Variants in ACSS1 observed in about 807,000 individuals in gnomAD.
ACSS1 encodes acetyl-coenzyme A synthetase 2-like, mitochondrial.
ACSS1 carries 42 observed loss-of-function variants against 75.3 expected under a neutral mutation model. The ratio of observed to expected loss-of-function variants is 0.56; its 90% CI spans 0.44 to 0.72. The LOEUF (loss-of-function observed/expected upper bound fraction) is 0.72. ACSS1 is among the 30% of genes least tolerant of loss of function. ACSS1 has a pLI of 0.00. For synonymous variants in ACSS1, 380 were observed against 376.8 expected, an observed-to-expected ratio of 1.01 and a Z score of -0.10; for missense variants, 782 against 935.7, an observed-to-expected ratio of 0.84 and a Z score of 2.14.
chr20:25,040,890 A>C (rs1332761473), intron 2 of ACSS1, among the ~76,000 whole-genome samples: 1 of 152,182 alleles, frequency 6.6e-6, no homozygotes, highest in African/African-American at 2.4e-5. Context: ...ATAAAACAAT[A>C]ATTGTTAATA....
rs73346941 is a variant in ACSS1 at position 25,025,948 on chromosome 20, A to G, written c.632-2307T>C. On this transcript the variant is annotated intron_variant, in intron 3 of 13. Transcript: ENST00000323482. ...TGCAAAGTCTTTCACCATGCAAGTG[A>G]CATAGCACAGCTTCTGGGGGATTAC... 7.8e-3 allele frequency among the ~76,000 whole-genome samples: 1,184 copies of G among 152,264 alleles called. 9 individuals are homozygous for G. Among genetic ancestry groups the G allele is most frequent in the African/African-American group, 0.023 (961 of 41,544 alleles).
chr20:25,022,005 A>G (rs973599162), intron 5 of ACSS1, among the ~76,000 whole-genome samples: 1 of 152,192 alleles, frequency 6.6e-6, no homozygotes, highest in African/African-American at 2.4e-5. Context: ...GGATGTGACT[A>G]TGGCCAAGTG....
chr20:25,015,222 G>C lies in ACSS1; in HGVS notation c.1255C>G (p.Pro419Ala), dbSNP rs184241245. The C allele has an allele frequency of 6.2e-7, 1 of 1,608,720 alleles. No homozygotes were observed. Among genetic ancestry groups the C allele is most frequent in the African/African-American group, 1.3e-5 (1 of 74,896 alleles). The change falls in exon 8 of 14, where the codon CCC becomes GCC. Residue 419 changes from proline to alanine, a missense_variant. By Grantham distance (27) the Pro-to-Ala change is conservative. This residue lies in a region of ACSS1 where 405 missense variants were observed against 552.6 expected (regional missense o/e 0.73). Coordinates refer to ENST00000323482, the MANE Select transcript of ACSS1 (RefSeq NM_032501.4). Reference protein sequence around the residue: ...SLRTLGSVGEPINCEAWEWLH... With the variant: ...SLRTLGSVGEAINCEAWEWLH... ...CACTCCCAGGCCTCACAGTTGATGG[G>C]CTCTCCCACTGAAACCACACAGAAA...
In ACSS1 at chr20:25,006,961, A is replaced by T; in HGVS notation, c.*801T>A. 6.5e-7 allele frequency: 1 copy of T among 1,535,250 alleles called. No homozygotes were observed. The highest frequency in any genetic ancestry group is 8.7e-7 in the Non-Finnish European group (1 of 1,146,624). On this transcript the variant is annotated 3_prime_UTR_variant, in exon 14 of 14. Transcript: ENST00000323482. ...CTATCAAGAGGCATCTGGGGGCACA[A>T]AAATCTTTCTGGATCACAGCTTGAA...
intron 1 of ACSS1, among the ~76,000 whole-genome samples, chr20:25,050,097 G>A (rs1473153423): frequency 6.6e-6 from 1 of 152,102 alleles, no homozygotes; most frequent in East Asian, 1.9e-4. Context: ...ATTAATACAC[G>A]GGTACAGCAG....
intron 7 of ACSS1, among the ~76,000 whole-genome samples, chr20:25,016,696 G>C (rs976891690): frequency 6.6e-6 from 1 of 152,226 alleles, no homozygotes; most frequent in African/African-American, 2.4e-5. Flanking sequence ...GCCCCGCAGC[G>C]CTGGTGGACA....
At chr20:25,018,787 C>A (rs2088564429) in intron 7 of ACSS1, among the ~76,000 whole-genome samples, 1 of 152,214 alleles carries the variant, frequency 6.6e-6, no homozygotes, top group South Asian at 2.1e-4. Flanking sequence ...AAGGTTTTTA[C>A]TGTTAATGGG....
At chr20:25,054,083 G>T (rs1355944592) in intron 1 of ACSS1, among the ~76,000 whole-genome samples, 1 of 152,246 alleles carries the variant, frequency 6.6e-6, no homozygotes, top group Non-Finnish European at 1.5e-5. Flanking sequence ...CACAATAGAA[G>T]CAAGTCACAG....
In ACSS1 at chr20:25,013,569, G is replaced by A. The variant is rs781232536; in HGVS notation, c.1546C>T (p.Arg516Ter). ...MARTIYGDHQ[R>*]FVDAYFKAYP... ...GCCTTGAAGTAGGCGTCCACAAATC[G>A]CTGGTGGTCGCCATAGATGGTCCTG... The change falls in exon 10 of 14, where the codon CGA becomes TGA. Residue 516 changes from arginine to a stop codon, truncating the protein, a stop_gained. Coordinates refer to ENST00000323482, the MANE Select transcript of ACSS1 (RefSeq NM_032501.4). LOFTEE classifies it high-confidence loss of function. The A allele has an allele frequency of 1.1e-5, 17 of 1,606,450 alleles. No individual in the cohort carries two copies. The highest frequency in any genetic ancestry group is 1.4e-5 in the Non-Finnish European group (17 of 1,173,980).
intron 1 of ACSS1, among the ~76,000 whole-genome samples, chr20:25,049,485 G>A (rs776049490): frequency 2.0e-5 from 3 of 152,302 alleles, no homozygotes; most frequent in Middle Eastern, 6.8e-3. Context: ...GAAATGCCAG[G>A]GCAGATTCGA....
chr20:25,057,137 G>T (rs961570930), intron 1 of ACSS1, among the ~76,000 whole-genome samples: 1 of 152,196 alleles, frequency 6.6e-6, no homozygotes, highest in Admixed American at 6.5e-5. Flanking sequence ...CTGAGGCCGA[G>T]AACGAGAACG....
chr20:25,007,550 G>A lies in ACSS1; in HGVS notation c.*212C>T, dbSNP rs2088329811. The A allele has an allele frequency of 1.4e-6, 2 of 1,401,496 alleles. No homozygotes were observed. The highest frequency in any genetic ancestry group is 3.0e-5 in the Admixed American group (1 of 33,234). 86.8% of individuals were successfully genotyped at this position (1,401,496 alleles called of 1,614,324 possible). A position where few individuals can be genotyped will look rare whatever the true frequency, so the allele number is the denominator to read the frequency against. ...TGGCAGAACCAGCCCTAGCCATGTC[G>A]CATAGCCTCTCCATGGGTGACACTC... is the stretch of plus-strand genomic sequence containing the variant. On this transcript the variant is annotated 3_prime_UTR_variant, in exon 14 of 14. Coordinates refer to ENST00000323482, the MANE Select transcript of ACSS1 (RefSeq NM_032501.4).
chr20:25,037,916 A>G (rs116475145), intron 2 of ACSS1, among the ~76,000 whole-genome samples: 2,070 of 152,316 alleles, frequency 0.014, 50 homozygotes, highest in African/African-American at 0.047. Context: ...CTGCTGAGAG[A>G]ACAGAAGACC....
At chr20:25,010,225 C>T (rs893929152) in intron 12 of ACSS1, 1 of 152,662 alleles carries the variant, frequency 6.6e-6, no homozygotes, top group Non-Finnish European at 1.5e-5. Flanking sequence ...ATGCCACCTT[C>T]ACCCATTCTT....
intron 7 of ACSS1, among the ~76,000 whole-genome samples, chr20:25,015,781 AG>A (rs1199342001): frequency 6.6e-6 from 1 of 152,246 alleles, no homozygotes; most frequent in African/African-American, 2.4e-5. Context: ...TGGGGAAAAC[AG>A]GATTTCACAG....
intron 8 of ACSS1, among the ~76,000 whole-genome samples, chr20:25,014,516 TC>T (rs1169345480): frequency 2.0e-5 from 3 of 152,180 alleles, no homozygotes; most frequent in Non-Finnish European, 1.5e-5. Flanking sequence ...AGAATCTCTG[TC>T]CCAGGTTTTC....
At chr20:25,020,978 T>C (rs1478040904) in intron 6 of ACSS1, among the ~76,000 whole-genome samples, 1 of 152,214 alleles carries the variant, frequency 6.6e-6, no homozygotes, top group Non-Finnish European at 1.5e-5. Context: ...ATGCCTAACA[T>C]GGTTTGAGGG....
At chr20:25,017,078 G>A (rs573721868) in intron 7 of ACSS1, among the ~76,000 whole-genome samples, 21 of 151,164 alleles carry the variant, frequency 1.4e-4, no homozygotes, top group African/African-American at 3.9e-4. Flanking sequence ...CTGCAACCTC[G>A]ACTTCTGGGG....
At position 25,022,961 on chromosome 20, in the gene ACSS1, G is replaced by T; in HGVS notation, c.939C>A (p.Leu313=). The T allele has an allele frequency of 6.2e-7, 1 of 1,613,692 alleles. No individual in the cohort carries two copies. Residue 313 remains leucine, a synonymous_variant, in exon 5 of 14, where the codon CTC becomes CTA. Coordinates refer to ENST00000323482, the MANE Select transcript of ACSS1 (RefSeq NM_032501.4). ...GIVHTQAGYL[L]YAALTHKLVF... is the part of the protein sequence containing the mutation. Reference sequence around the variant, plus strand: ...GTACCTTGTGAGTCAGGGCGGCATAGAGCAGGTAGCCTGCCTGGGTATGGA... The same window carrying T: ...GTACCTTGTGAGTCAGGGCGGCATATAGCAGGTAGCCTGCCTGGGTATGGA...
Sources: gnomAD v4.1 joint callset for allele counts (sites outside exome capture counted in the v4.1 genomes callset) on GRCh38, gnomAD v4.1.1 for gene constraint, gnomAD v4.1.1 regional missense constraint, MANE v1.5 for transcripts, NCBI Gene and HGNC (gene_info 2026-07-23, HGNC 2026-07-21) for gene names.